DLGAP1: variants seen among roughly 807,000 people sequenced by gnomAD.
DLGAP1 encodes the protein disks large-associated protein 1.
In DLGAP1, 11 loss-of-function variants were observed where a neutral mutation model predicts 90.8. The ratio of observed to expected loss-of-function variants is 0.12; its 90% CI spans 0.08 to 0.20. DLGAP1 has a LOEUF of 0.20. Ranked by LOEUF, DLGAP1 falls within the 10% of genes least tolerant of loss-of-function variation. The pLI, the probability that DLGAP1 is intolerant of heterozygous loss-of-function variation, is 1.00. For synonymous variants in DLGAP1, 558 were observed against 540.7 expected, an observed-to-expected ratio of 1.03 and a Z score of -0.44; for missense variants, 1,050 against 1,333.8, an observed-to-expected ratio of 0.79 and a Z score of 3.31.
chr18:4,147,612 TCCA>T (rs1568420933), intron 2 of DLGAP1, among the ~76,000 whole-genome samples: 2 of 151,532 alleles, frequency 1.3e-5, no homozygotes, highest in Non-Finnish European at 2.9e-5. Flanking sequence ...CATCCATCCA[TCCA>T]TCCATCCATC....
At chr18:4,283,824 T>C (rs1568489871) in intron 1 of DLGAP1, among the ~76,000 whole-genome samples, 1 of 152,154 alleles carries the variant, frequency 6.6e-6, no homozygotes, top group Admixed American at 6.5e-5. Flanking sequence ...TATAAAACTA[T>C]GTAAAACTGT....
chr18:4,220,071 A>G (rs1286182809), intron 1 of DLGAP1, among the ~76,000 whole-genome samples: 1 of 152,134 alleles, frequency 6.6e-6, no homozygotes, highest in African/African-American at 2.4e-5. Context: ...CACATTGGGT[A>G]GTGTGGGCAT....
chr18:4,096,377 C>T (rs2075679272), intron 2 of DLGAP1, among the ~76,000 whole-genome samples: 2 of 152,192 alleles, frequency 1.3e-5, no homozygotes, highest in African/African-American at 4.8e-5. Flanking sequence ...AGTAAAGAAG[C>T]TATTTCTCTC....
chr18:3,513,704 TG>T, intron 10 of DLGAP1, among the ~76,000 whole-genome samples: 1 of 152,308 alleles, frequency 6.6e-6, no homozygotes, highest in Middle Eastern at 3.4e-3. Context: ...TTACAGATTA[TG>T]TGTCATAATG....
intron 8 of DLGAP1, chr18:3,580,481 C>G: frequency 1.2e-6 from 2 of 1,609,616 alleles, no homozygotes. Context: ...CTTCATTGTC[C>G]ACAAGGTGAG....
chr18:4,111,686 A>G (rs1407595077), intron 2 of DLGAP1, among the ~76,000 whole-genome samples: 1 of 151,998 alleles, frequency 6.6e-6, no homozygotes, highest in Non-Finnish European at 1.5e-5. Flanking sequence ...TTTTCTAGGA[A>G]TTTGTCCATT....
At chr18:4,242,628 G>C (rs187447309) in intron 1 of DLGAP1, among the ~76,000 whole-genome samples, 2 of 152,286 alleles carry the variant, frequency 1.3e-5, no homozygotes, top group African/African-American at 4.8e-5. Flanking sequence ...AAAGCGGGAA[G>C]GGCAGGCAGT....
chr18:3,951,980 G>A (rs1223497152), intron 3 of DLGAP1, among the ~76,000 whole-genome samples: 1 of 152,116 alleles, frequency 6.6e-6, no homozygotes, highest in African/African-American at 2.4e-5. Context: ...TATTAACTGA[G>A]TATCAGTTTT....
intron 1 of DLGAP1, among the ~76,000 whole-genome samples, chr18:4,254,626 G>A (rs1319837370): frequency 1.3e-5 from 2 of 152,132 alleles, no homozygotes; most frequent in Non-Finnish European, 1.5e-5. Context: ...CCAGAGGACA[G>A]ACATTGAGAC....
chr18:4,152,317 G>T (rs2076688213), intron 1 of DLGAP1, among the ~76,000 whole-genome samples: 1 of 152,174 alleles, frequency 6.6e-6, no homozygotes, highest in Non-Finnish European at 1.5e-5. Flanking sequence ...TCAGAATTGA[G>T]AATATAATTT....
chr18:3,502,434 G>C (rs1487033718), intron 12 of DLGAP1, 59 bp downstream of exon 12: 3 of 1,610,298 alleles, frequency 1.9e-6, no homozygotes, highest in African/African-American at 2.7e-5. Context: ...AGCCTATTTA[G>C]ACTGTCCAGT....
chr18:4,231,483 C>G (rs1048020677), intron 1 of DLGAP1, among the ~76,000 whole-genome samples: 6 of 152,264 alleles, frequency 3.9e-5, no homozygotes, highest in African/African-American at 1.4e-4. Flanking sequence ...GGTATTTCCT[C>G]CCTGCACCTT....
chr18:3,910,850 T>A (rs2072017601), intron 3 of DLGAP1, among the ~76,000 whole-genome samples: 1 of 152,082 alleles, frequency 6.6e-6, no homozygotes, highest in Non-Finnish European at 1.5e-5. Flanking sequence ...TCTGATGACA[T>A]CAACAGTGTC....
At chr18:3,553,367 A>C (rs1333041719) in intron 9 of DLGAP1, among the ~76,000 whole-genome samples, 1 of 152,176 alleles carries the variant, frequency 6.6e-6, no homozygotes, top group Admixed American at 6.5e-5. Flanking sequence ...TGGTTAATGG[A>C]TAGGATTATG....
At chr18:3,873,002 T>C (rs1171534145) in intron 4 of DLGAP1, among the ~76,000 whole-genome samples, 2 of 152,222 alleles carry the variant, frequency 1.3e-5, no homozygotes, top group Admixed American at 6.5e-5. Flanking sequence ...CACTTTGGTG[T>C]TGCCGAAAAT....
At position 4,114,748 on chromosome 18, in the gene DLGAP1, C is replaced by T. The variant is rs150581326; in HGVS notation, c.-159+36432G>A. Among the ~76,000 whole-genome samples, 696 of 151,980 alleles carry T rather than the reference C, an allele frequency of 4.6e-3. 4 individuals carry two copies. The highest frequency in any genetic ancestry group is 0.025 in the South Asian group (121 of 4,812). On this transcript the variant is annotated intron_variant, in intron 2 of 12. Coordinates refer to ENST00000315677, the MANE Select transcript of DLGAP1 (RefSeq NM_004746.4). ...TTTTTGTTTCTTAGTTTATGTATGT[C>T]GTCTCATATTTATATGGCCACTCTA...
chr18:4,050,612 G>A (rs1165986179), intron 2 of DLGAP1, among the ~76,000 whole-genome samples: 4 of 152,202 alleles, frequency 2.6e-5, no homozygotes, highest in Admixed American at 6.5e-5. Flanking sequence ...AGGAACGTCA[G>A]TTCCAGTTAT....
intron 2 of DLGAP1, among the ~76,000 whole-genome samples, chr18:4,046,626 T>C (rs146627217): frequency 6.6e-6 from 1 of 152,364 alleles, no homozygotes; most frequent in East Asian, 1.9e-4. Context: ...CTTAGGTCTC[T>C]GGCTAAGCTC....
At chr18:4,072,058 A>C (rs1286017645) in intron 2 of DLGAP1, among the ~76,000 whole-genome samples, 1 of 152,208 alleles carries the variant, frequency 6.6e-6, no homozygotes, top group Non-Finnish European at 1.5e-5. Context: ...GTAGAGGCTG[A>C]GGACATATGC....
Sources: gnomAD v4.1 joint callset for allele counts (sites outside exome capture counted in the v4.1 genomes callset) on GRCh38, gnomAD v4.1.1 for gene constraint, MANE v1.5 for transcripts, NCBI Gene and HGNC (gene_info 2026-07-23, HGNC 2026-07-21) for gene names.